CALCR: variants seen among roughly 807,000 people sequenced by gnomAD.
CALCR encodes the protein calcitonin receptor.
CALCR carries 47 observed loss-of-function variants against 59.5 expected under a neutral mutation model. The ratio of observed to expected loss-of-function variants is 0.79; its 90% CI spans 0.63 to 1.01. The LOEUF (loss-of-function observed/expected upper bound fraction) is 1.01, where lower values mean the gene tolerates loss of function less well. Among genes scored for constraint, CALCR ranks in the 50% least tolerant of loss-of-function variants. CALCR has a pLI of 0.00. For missense variants in CALCR, 566 were observed against 597.1 expected, an observed-to-expected ratio of 0.95 and a Z score of 0.54; for synonymous variants, 213 against 211.3, an observed-to-expected ratio of 1.01 and a Z score of -0.07.
intron 2 of CALCR, among the ~76,000 whole-genome samples, chr7:93,529,909 G>C (rs1363301409): frequency 6.6e-6 from 1 of 152,098 alleles, no homozygotes; most frequent in Non-Finnish European, 1.5e-5. Flanking sequence ...CATCCTCCCT[G>C]TAATAGCAAA....
At position 93,545,468 on chromosome 7, in the gene CALCR, T is replaced by C. The variant is rs541604007; in HGVS notation, c.-27+28821A>G. 2.6e-5 allele frequency among the ~76,000 whole-genome samples: 4 copies of C among 152,248 alleles called. No individual in the cohort carries two copies. The East Asian group carries it at 5.8e-4, about 22-fold the overall frequency. ...GTGGTATGTCCTCATATTAGGATTATGTTGAATTAAAAGATCCAGGTCAAA... is the reference window on the plus strand; with the variant it reads ...GTGGTATGTCCTCATATTAGGATTACGTTGAATTAAAAGATCCAGGTCAAA... On this transcript the variant is annotated intron_variant, in intron 2 of 13. Coordinates refer to ENST00000426151, the MANE Select transcript of CALCR (RefSeq NM_001742.4).
chr7:93,573,530 C>T (rs555254458), intron 2 of CALCR, among the ~76,000 whole-genome samples: 2 of 152,142 alleles, frequency 1.3e-5, no homozygotes, highest in African/African-American at 4.8e-5. Context: ...TAGGTTAAAG[C>T]TTTCATATGA....
At chr7:93,471,850 T>C (rs2115854347) in intron 6 of CALCR, among the ~76,000 whole-genome samples, 1 of 151,946 alleles carries the variant, frequency 6.6e-6, no homozygotes, top group East Asian at 1.9e-4. Context: ...GTACTAACAA[T>C]TGAGAATGAA....
At chr7:93,537,611 C>A (rs1789024289) in intron 2 of CALCR, among the ~76,000 whole-genome samples, 1 of 151,636 alleles carries the variant, frequency 6.6e-6, no homozygotes, top group African/African-American at 2.4e-5. Context: ...CAAAAATTAA[C>A]AAAAATAATT....
At chr7:93,565,504 A>C (rs1398573965) in intron 2 of CALCR, among the ~76,000 whole-genome samples, 1 of 152,232 alleles carries the variant, frequency 6.6e-6, no homozygotes, top group Non-Finnish European at 1.5e-5. Context: ...TCTAATTTGA[A>C]GAATATATAT....
chr7:93,507,472 T>C (rs1448014394), intron 2 of CALCR, among the ~76,000 whole-genome samples: 2 of 151,820 alleles, frequency 1.3e-5, no homozygotes, highest in East Asian at 3.9e-4. Context: ...GCCCTCAGTG[T>C]AGGGTTTTCG....
intron 8 of CALCR, among the ~76,000 whole-genome samples, chr7:93,451,454 A>G (rs1800108564): frequency 6.6e-6 from 1 of 152,000 alleles, no homozygotes; most frequent in African/African-American, 2.4e-5. Context: ...TGCTCCCCTT[A>G]TCATTTCAAT....
At chr7:93,545,493 A>G (rs564653059) in intron 2 of CALCR, among the ~76,000 whole-genome samples, 1 of 152,246 alleles carries the variant, frequency 6.6e-6, no homozygotes, top group Non-Finnish European at 1.5e-5. Context: ...TCCAGGTCAA[A>G]CAACCTTGCC....
intron 2 of CALCR, among the ~76,000 whole-genome samples, chr7:93,498,842 T>G (rs1801264221): frequency 1.3e-5 from 2 of 151,716 alleles, no homozygotes; most frequent in African/African-American, 4.8e-5. Context: ...GAGAAACTGA[T>G]TGTAATTAGC....
At chr7:93,453,241 C>T (rs1033682695) in intron 8 of CALCR, among the ~76,000 whole-genome samples, 4 of 152,074 alleles carry the variant, frequency 2.6e-5, no homozygotes, top group Admixed American at 1.3e-4. Flanking sequence ...TGTCAGATGA[C>T]GTTTTGTGGA....
At chr7:93,492,721 C>CTCAACTTCTT in intron 2 of CALCR, among the ~76,000 whole-genome samples, 1 of 151,258 alleles carries the variant, frequency 6.6e-6, no homozygotes, top group Non-Finnish European at 1.5e-5. Context: ...AACTCAAATG[C>CTCAACTTCTT]AGACTGGGTG....
Position 93,436,030 on chromosome 7 carries a change from G to A in CALCR, c.1071C>T (p.Val357=), listed in dbSNP as rs775644276. 34 of 1,613,464 alleles carry A rather than the reference G, an allele frequency of 2.1e-5. No individual in the cohort carries two copies. Among genetic ancestry groups the A allele is most frequent in the South Asian group, 1.1e-4 (10 of 91,046 alleles). The change falls in exon 12 of 14, where the codon GTC becomes GTT. Residue 357 remains valine, a synonymous_variant. Coordinates refer to ENST00000426151, the MANE Select transcript of CALCR (RefSeq NM_001742.4). ...TGTTGGAAGGTCTCCAGGGAAAGAC[G>A]ACAAACTGGATTCCCAGCAGGGGCA... ...ILVPLLGIQF[V]VFPWRPSNKM...
intron 7 of CALCR, 114 bp from the exon 8 acceptor site, chr7:93,461,061 T>C (rs1445911766): frequency 4.5e-6 from 4 of 879,340 alleles, no homozygotes; most frequent in Admixed American, 3.0e-5. Flanking sequence ...TGAAAGAACA[T>C]ATAGAAGAAA....
intron 2 of CALCR, among the ~76,000 whole-genome samples, chr7:93,562,924 A>C (rs1789780908): frequency 2.0e-5 from 3 of 152,332 alleles, no homozygotes; most frequent in East Asian, 3.9e-4. Context: ...TCAAATATAG[A>C]ACGTATGAAA....
At chr7:93,543,496 C>G (rs1441211247) in intron 2 of CALCR, among the ~76,000 whole-genome samples, 1 of 151,994 alleles carries the variant, frequency 6.6e-6, no homozygotes, top group African/African-American at 2.4e-5. Context: ...TCATTTACAC[C>G]AGCATCACCA....
chr7:93,542,544 T>C (rs1375224037), intron 2 of CALCR, among the ~76,000 whole-genome samples: 1 of 152,180 alleles, frequency 6.6e-6, no homozygotes. Context: ...ACACTTAGCC[T>C]ACACAAAACT....
At chr7:93,434,795 G>A (rs1351360946) in intron 12 of CALCR, among the ~76,000 whole-genome samples, 1 of 152,094 alleles carries the variant, frequency 6.6e-6, no homozygotes, top group African/African-American at 2.4e-5. Flanking sequence ...CCTGAGTCCT[G>A]GTCACTGCTT....
At chr7:93,480,842 A>T (rs1800779860) in intron 3 of CALCR, among the ~76,000 whole-genome samples, 1 of 151,760 alleles carries the variant, frequency 6.6e-6, no homozygotes, top group African/African-American at 2.4e-5. Context: ...GCCTTTTGGG[A>T]TGGAGGGACC....
At chr7:93,469,618 T>G (rs1800512560) in intron 6 of CALCR, among the ~76,000 whole-genome samples, 5 of 151,704 alleles carry the variant, frequency 3.3e-5, no homozygotes, top group Admixed American at 3.3e-4. Flanking sequence ...TGACACTAGC[T>G]TTTGCATTTT....
Sources: allele counts gnomAD v4.1 joint callset (sites outside exome capture counted in the v4.1 genomes callset), GRCh38; gene constraint gnomAD v4.1.1; transcripts MANE v1.5; gene names NCBI Gene and HGNC (gene_info 2026-07-23, HGNC 2026-07-21).